KRABD4: variants seen among roughly 807,000 people sequenced by gnomAD.
KRABD4 encodes the protein KRAB domain-containing protein 4.
At chrX:46,473,365 A>G in the KRABD4 span, 3,675 of 1,192,405 alleles carry the variant, frequency 3.1e-3, 36 homozygotes, top group East Asian at 0.038. Flanking sequence ...AAAAACCTTT[A>G]TCCAGAAGTC....
chrX:46,458,254 C>T, the KRABD4 span, among the ~76,000 whole-genome samples: 5 of 111,724 alleles, frequency 4.5e-5, no homozygotes, highest in Non-Finnish European at 9.4e-5. Flanking sequence ...ACTTCATATT[C>T]TTAAACATTA....
the KRABD4 span, among the ~76,000 whole-genome samples, chrX:46,463,868 C>T: frequency 9.1e-6 from 1 of 110,454 alleles, no homozygotes; most frequent in African/African-American, 3.3e-5. Flanking sequence ...CAGGTACCCA[C>T]CACGTTCTTG....
the KRABD4 span, among the ~76,000 whole-genome samples, chrX:46,465,766 C>T: frequency 1.8e-5 from 2 of 111,039 alleles, no homozygotes; most frequent in Non-Finnish European, 3.8e-5. Flanking sequence ...CCAGAGGGTT[C>T]TGATGCCCAT....
the KRABD4 span, chrX:46,463,282 G>A: frequency 2.1e-5 from 25 of 1,210,408 alleles, no homozygotes; most frequent in East Asian, 3.0e-5. Flanking sequence ...ACCCCGGTAC[G>A]GACCTGTGCA....
chrX:46,457,627 T>G, the KRABD4 span, among the ~76,000 whole-genome samples: 1 of 107,931 alleles, frequency 9.3e-6, no homozygotes, highest in Non-Finnish European at 1.9e-5. Flanking sequence ...TTCAGAGTTT[T>G]TTTTTTTTTT....
chrX:46,469,674 G>C, the KRABD4 span, among the ~76,000 whole-genome samples: 1 of 111,836 alleles, frequency 8.9e-6, no homozygotes, highest in Admixed American at 9.5e-5. Flanking sequence ...TCCCAGGCTA[G>C]ATGCCTTTAC....
chrX:46,464,037 A>T, the KRABD4 span, among the ~76,000 whole-genome samples: 7 of 71,975 alleles, frequency 9.7e-5, no homozygotes, highest in Admixed American at 1.9e-4. Context: ...TGTTTTTGTT[A>T]TTATCTCTTT....
the KRABD4 span, chrX:46,462,980 C>A: frequency 4.5e-6 from 5 of 1,122,835 alleles, no homozygotes; most frequent in African/African-American, 5.4e-5. Flanking sequence ...GGGTTACCAC[C>A]CTCAGTGAGT....
At chrX:46,471,353 TC>T in the KRABD4 span, among the ~76,000 whole-genome samples, 1 of 111,492 alleles carries the variant, frequency 9.0e-6, no homozygotes, top group African/African-American at 3.3e-5. Context: ...TATATCTCCA[TC>T]CCTTTACACA....
chrX:46,474,573 C>T, the KRABD4 span: 4 of 111,888 alleles, frequency 3.6e-5, no homozygotes, highest in Non-Finnish European at 7.5e-5. Context: ...GATATCATTT[C>T]GCCTTCGGTT....
At chrX:46,462,538 G>T in the KRABD4 span, 1 of 530,700 alleles carries the variant, frequency 1.9e-6, no homozygotes, top group Non-Finnish European at 3.0e-6. Flanking sequence ...AAAGGCCATT[G>T]TGGGTGTGGG....
the KRABD4 span, among the ~76,000 whole-genome samples, chrX:46,463,788 TTTTGTTTG>T: frequency 1.8e-5 from 2 of 110,905 alleles, no homozygotes; most frequent in South Asian, 3.8e-4. Context: ...TTTGTTTGTT[TTTTGTTTG>T]TTTGTTTGTT....
the KRABD4 span, among the ~76,000 whole-genome samples, chrX:46,462,244 G>C: frequency 7.6e-3 from 854 of 112,040 alleles, 6 homozygotes; most frequent in African/African-American, 0.026. Context: ...GGGCGCGATG[G>C]CTCACGCCTG....
the KRABD4 span, among the ~76,000 whole-genome samples, chrX:46,462,238 G>A: frequency 1.0e-3 from 113 of 112,122 alleles, no homozygotes; most frequent in African/African-American, 2.9e-3. Context: ...CAGGCCGGGC[G>A]CGATGGCTCA....
chrX:46,450,434 T>G, the KRABD4 span: 2 of 1,200,078 alleles, frequency 1.7e-6, no homozygotes, highest in South Asian at 3.6e-5. Context: ...TTTATAGATC[T>G]CCATCCTTTG....
the KRABD4 span, among the ~76,000 whole-genome samples, chrX:46,452,852 TCA>T: frequency 1.8e-5 from 2 of 112,484 alleles, no homozygotes; most frequent in African/African-American, 6.4e-5. Context: ...AAATGGGAAA[TCA>T]CAGTGTATTA....
chrX:46,462,884 C>T, the KRABD4 span: 8 of 1,209,592 alleles, frequency 6.6e-6, no homozygotes, highest in East Asian at 8.9e-5. Context: ...GGTGAGGGAC[C>T]GTGCCACAGG....
chrX:46,457,126 T>C, the KRABD4 span: 939 of 370,287 alleles, frequency 2.5e-3, 7 homozygotes, highest in African/African-American at 0.023. Flanking sequence ...AAAGTCTGTG[T>C]GTCCCGGATC....
At chrX:46,448,628 T>G in the KRABD4 span, 1 of 113,449 alleles carries the variant, frequency 8.8e-6, no homozygotes, top group South Asian at 3.6e-4. Flanking sequence ...GTTTGATTCC[T>G]GCTGGAGGAG....
Sources: gnomAD v4.1 joint callset for allele counts (sites outside exome capture counted in the v4.1 genomes callset) on GRCh38, gnomAD v4.1.1 for gene constraint, MANE v1.5 for transcripts, NCBI Gene and HGNC (gene_info 2026-07-23, HGNC 2026-07-21) for gene names.